Variants in MAEA observed in about 807,000 individuals in gnomAD.
MAEA encodes E3 ubiquitin-protein transferase MAEA.
A neutral mutation model predicts 46.2 loss-of-function variants in MAEA; 22 were observed. That is an observed-to-expected ratio of 0.48 (90% CI 0.34 to 0.68). The LOEUF (loss-of-function observed/expected upper bound fraction) is 0.68. Ranked by LOEUF, MAEA falls within the 30% of genes least tolerant of loss-of-function variation. MAEA has a pLI of 0.01. For synonymous variants in MAEA, 246 were observed against 222.6 expected, an observed-to-expected ratio of 1.11 and a Z score of -0.94; for missense variants, 393 against 558.1, an observed-to-expected ratio of 0.70 and a Z score of 2.98.
chr4:1,295,179 C>T (rs1274439433), intron 1 of MAEA, among the ~76,000 whole-genome samples: 9 of 152,090 alleles, frequency 5.9e-5, no homozygotes, highest in Admixed American at 3.9e-4. Flanking sequence ...GGCTGTGCTG[C>T]GAGCCCCACC....
chr4:1,325,570 T>A (rs1049060379), intron 4 of MAEA, among the ~76,000 whole-genome samples: 1 of 152,168 alleles, frequency 6.6e-6, no homozygotes, highest in Non-Finnish European at 1.5e-5. Flanking sequence ...AGAGTCCTGC[T>A]CTTCTAGAGC....
At chr4:1,315,791 T>TGGTGAGGG (rs1737065663) in intron 3 of MAEA, among the ~76,000 whole-genome samples, 191 bp downstream of exon 3, 1 of 93,870 alleles carries the variant, frequency 1.1e-5, no homozygotes, top group Non-Finnish European at 2.1e-5. Flanking sequence ...TGTGTGTGTG[T>TGGTGAGGG]CCCCCTCCCC....
chr4:1,325,490 G>A (rs1738692465), intron 4 of MAEA, among the ~76,000 whole-genome samples: 1 of 152,196 alleles, frequency 6.6e-6, no homozygotes, highest in Non-Finnish European at 1.5e-5. Flanking sequence ...TAACCTACTA[G>A]AGCAAAAGGT....
At chr4:1,295,152 TGCCCCGTCTGCA>T (rs1391070279) in intron 1 of MAEA, among the ~76,000 whole-genome samples, 2 of 152,006 alleles carry the variant, frequency 1.3e-5, no homozygotes, top group East Asian at 3.9e-4. Context: ...AGCATGTGAC[TGCCCCGTCTGCA>T]GAGAGGCTGT....
chr4:1,309,701 A>G, intron 1 of MAEA: 1 of 1,528,930 alleles, frequency 6.5e-7, no homozygotes, highest in African/African-American at 1.4e-5. Context: ...TTGTGAAGAC[A>G]CCGTGGCCCC....
intron 1 of MAEA, among the ~76,000 whole-genome samples, chr4:1,292,925 A>G (rs4399931): frequency 0.17 from 22,414 of 131,870 alleles, 3,367 homozygotes; most frequent in East Asian, 0.44. Flanking sequence ...ACGGAGTCTC[A>G]CTCTGTTGCC....
chr4:1,297,222 C>T (rs933437049), intron 1 of MAEA, among the ~76,000 whole-genome samples: 2 of 152,244 alleles, frequency 1.3e-5, no homozygotes, highest in African/African-American at 4.8e-5. Context: ...CAGCCGAGAA[C>T]TCGGAGGTTT....
chr4:1,328,046 G>C (rs1055249097), intron 5 of MAEA, among the ~76,000 whole-genome samples: 1 of 152,216 alleles, frequency 6.6e-6, no homozygotes, highest in Admixed American at 6.5e-5. Flanking sequence ...GGAAAGTGCC[G>C]CCAGCCTCAG....
chr4:1,290,542 C>T (rs1314820510), intron 1 of MAEA, among the ~76,000 whole-genome samples: 11 of 152,244 alleles, frequency 7.2e-5, no homozygotes, highest in Admixed American at 7.2e-4. Flanking sequence ...CTAGCCACGT[C>T]GCACTTCTTA....
chr4:1,312,282 C>A, intron 2 of MAEA, 121 bp downstream of exon 2: 1 of 1,151,252 alleles, frequency 8.7e-7, no homozygotes. Flanking sequence ...GTTGGGGGCC[C>A]CCTTCCCTGC....
intron 1 of MAEA, among the ~76,000 whole-genome samples, chr4:1,294,757 G>C (rs73796055): frequency 6.8e-6 from 1 of 147,630 alleles, no homozygotes; most frequent in South Asian, 2.2e-4. Context: ...CTTTAAAGAC[G>C]CTGATGAGGT....
chr4:1,329,532 GC>G, intron 5 of MAEA: 1 of 985,376 alleles, frequency 1.0e-6, no homozygotes, highest in Non-Finnish European at 1.2e-6. Context: ...AGCCGGGCAG[GC>G]ATGGCAAACA....
chr4:1,311,844 T>C lies in MAEA; in HGVS notation c.70-135T>C, dbSNP rs1736542583. On this transcript the variant is annotated intron_variant, in intron 1 of 8. Transcript: ENST00000303400. This position sits in a 1 kb window ranked among gnomAD's most constrained non-coding sequence, Gnocchi z 4.4. Reference sequence around the variant, plus strand: ...GGTCTTGGTTGAGGTTTAGAGTAGATACTTTTGAGACCATGAACCTTCTGA... The same window carrying C: ...GGTCTTGGTTGAGGTTTAGAGTAGACACTTTTGAGACCATGAACCTTCTGA... The C allele has an allele frequency of 4.0e-6, 3 of 743,324 alleles. No individual in the cohort carries two copies. The South Asian group carries it at 5.6e-5, about 14-fold the overall frequency. The allele number at this position is 743,324 out of a possible 1,614,324, so 46.0% of individuals were successfully genotyped here.
At chr4:1,332,358 G>A (rs1212584278) in intron 5 of MAEA, 1 of 163,618 alleles carries the variant, frequency 6.1e-6, no homozygotes, top group Non-Finnish European at 1.3e-5. Flanking sequence ...AGGTCGGCTT[G>A]GAGTGAGGCG....
chr4:1,329,308 C>G (rs927806709), intron 5 of MAEA: 1 of 983,044 alleles, frequency 1.0e-6, no homozygotes, highest in Non-Finnish European at 1.2e-6. Flanking sequence ...CCTGTGTTCC[C>G]CCCGCTCCGT....
chr4:1,322,593 C>A, intron 4 of MAEA, 90 bp downstream of exon 4: 1 of 1,540,046 alleles, frequency 6.5e-7, no homozygotes. Context: ...CCTGGTGGTT[C>A]ACAGTAGTTT....
chr4:1,309,756 C>CCGTGG (rs1219496320), intron 1 of MAEA: 1 of 1,490,462 alleles, frequency 6.7e-7, no homozygotes, highest in African/African-American at 1.4e-5. Flanking sequence ...TTCTGCGTAA[C>CCGTGG]CGTGGCGCGT....
intron 1 of MAEA, among the ~76,000 whole-genome samples, chr4:1,308,231 G>A (rs1292143108): frequency 6.6e-6 from 1 of 152,048 alleles, no homozygotes; most frequent in Non-Finnish European, 1.5e-5. Flanking sequence ...GGAACACATC[G>A]AAACATAGAA....
intron 3 of MAEA, among the ~76,000 whole-genome samples, chr4:1,316,016 T>C (rs933517026): frequency 2.6e-5 from 4 of 151,504 alleles, no homozygotes; most frequent in African/African-American, 9.7e-5. Flanking sequence ...AGGAAGTCAG[T>C]GTCTAAGCGG....
Sources: gnomAD v4.1 joint callset for allele counts (sites outside exome capture counted in the v4.1 genomes callset) on GRCh38, gnomAD v4.1.1 for gene constraint, Gnocchi (gnomAD v3.1) non-coding constraint, MANE v1.5 for transcripts, NCBI Gene and HGNC (gene_info 2026-07-23, HGNC 2026-07-21) for gene names.